BSN: variants seen among roughly 807,000 people sequenced by gnomAD.
BSN encodes protein bassoon.
In BSN, 57 loss-of-function variants were observed where a neutral mutation model predicts 264.8. The observed-to-expected ratio is 0.22, with a 90% CI of 0.17 to 0.27. BSN has a LOEUF of 0.27. Among genes scored for constraint, BSN ranks in the 10% least tolerant of loss-of-function variants. The probability of loss-of-function intolerance (pLI) is 1.00; values close to 1 mark genes in which losing one functional copy is unlikely to be tolerated. For missense variants in BSN, 4,615 were observed against 5,232.5 expected (o/e 0.88, Z 3.64); for synonymous variants, 2,059 against 2,137.3 (o/e 0.96, Z 1.01).
chr3:49,665,725 C>T (rs556399722), intron 11 of BSN, among the ~76,000 whole-genome samples: 3 of 152,376 alleles, frequency 2.0e-5, no homozygotes, highest in Admixed American at 1.3e-4. Flanking sequence ...CACAGAGTCA[C>T]ATCTGCAGCT....
At position 49,663,484 on chromosome 3, in the gene BSN, C is replaced by T. The variant is rs1266666344; in HGVS notation, c.11326C>T (p.Pro3776Ser). ...QIPSGAASRQ[P>S]QTQQQQQGLG... is the part of the protein sequence containing the mutation. ...ACCCTCTGGGGCAGCATCACGCCAG[C>T]CACAGACACAGCAGCAGCAGCAAGG... is the stretch of plus-strand genomic sequence containing the variant. The change falls in exon 7 of 12, where the codon CCA (proline) becomes TCA (serine). Residue 3776 changes from proline (P) to serine (S), a missense_variant. By Grantham distance (74) the Pro-to-Ser change is moderately conservative. Around this residue, in one of 3 missense-constraint regions of BSN, gnomAD observed 3,415 missense variants for 3,866.4 expected, o/e 0.88. Transcript: ENST00000296452. 1.2e-6 allele frequency: 2 copies of T among 1,613,108 alleles called. No homozygotes were observed. The highest frequency in any genetic ancestry group is 1.3e-5 in the African/African-American group (1 of 74,948).
rs1380933934 is a variant in BSN, at chr3:49,617,277, AATACATTATATATATAT to A, written c.225-7694_225-7678del. Among the ~76,000 whole-genome samples the A allele has an allele frequency of 4.1e-3, 587 of 144,128 alleles. 6 individuals are homozygous for A. Among genetic ancestry groups the A allele is most frequent in the African/African-American group, 0.015 (559 of 37,968 alleles). The allele number at this position is 144,128 out of a possible 152,430, so 94.6% of individuals were successfully genotyped here. A position where few individuals can be genotyped will look rare whatever the true frequency, so the allele number is the denominator to read the frequency against. ...GAACTTAAAGTAAAATAAAAAATAA[AATACATTATATATATAT>A]ATATATATATATATATATATATATA... On this transcript the variant is annotated intron_variant, in intron 1 of 11. Transcript: ENST00000296452.
At chr3:49,570,499 A>G (rs1246349022) in intron 1 of BSN, among the ~76,000 whole-genome samples, 1 of 152,322 alleles carries the variant, frequency 6.6e-6, no homozygotes, top group Middle Eastern at 3.4e-3. Context: ...TGAGCCGTGG[A>G]AACAGAGACT....
chr3:49,642,791 T>G lies in BSN; in HGVS notation c.1157T>G (p.Ile386Ser), dbSNP rs1012526021. Reference protein sequence around the residue: ...QPAPSKGTPKIVFNDASKEAG... With the variant: ...QPAPSKGTPKSVFNDASKEAG... Reference sequence around the variant, plus strand: ...GCCCCCAGCAAGGGGACACCTAAGATCGTCTTCAATGATGCCAGCAAGGAG... The same window carrying G: ...GCCCCCAGCAAGGGGACACCTAAGAGCGTCTTCAATGATGCCAGCAAGGAG... Residue 386 changes from isoleucine to serine, a missense_variant, in exon 3 of 12, where the codon ATC (isoleucine) becomes AGC (serine). This residue lies in a region of BSN where 1,197 missense variants were observed against 1,348.0 expected (regional missense o/e 0.89). Transcript: ENST00000296452. This position sits in a 1 kb window ranked among gnomAD's most constrained non-coding sequence, Gnocchi z 7.0. The G allele has an allele frequency of 1.2e-6, 2 of 1,613,134 alleles. No homozygotes were observed. The highest frequency in any genetic ancestry group is 1.7e-6 in the Non-Finnish European group (2 of 1,179,914).
intron 2 of BSN, among the ~76,000 whole-genome samples, chr3:49,631,868 C>T (rs2052386400): frequency 6.6e-6 from 1 of 152,112 alleles, no homozygotes; most frequent in Admixed American, 6.5e-5. Flanking sequence ...CTTCAAATAG[C>T]CAAAATAATT....
At chr3:49,615,242 T>C (rs2052250403) in intron 1 of BSN, among the ~76,000 whole-genome samples, 1 of 151,958 alleles carries the variant, frequency 6.6e-6, no homozygotes, top group African/African-American at 2.4e-5. Context: ...AAAGGATGAG[T>C]GGAGGTGGCA....
intron 2 of BSN, among the ~76,000 whole-genome samples, chr3:49,627,316 C>A (rs1413677058): frequency 6.6e-6 from 1 of 152,128 alleles, no homozygotes; most frequent in East Asian, 1.9e-4. Flanking sequence ...TGACCTGGTC[C>A]CTTCTCCAAG....
At chr3:49,566,772 T>A in intron 1 of BSN, among the ~76,000 whole-genome samples, 1 of 121,410 alleles carries the variant, frequency 8.2e-6, no homozygotes, top group East Asian at 2.3e-4. Context: ...GGTGACAGAG[T>A]AAGACTGTGT....
intron 1 of BSN, among the ~76,000 whole-genome samples, chr3:49,616,558 C>A (rs1404221531): frequency 1.3e-5 from 2 of 152,234 alleles, no homozygotes; most frequent in Non-Finnish European, 2.9e-5. Context: ...GAAAACATTT[C>A]TTTCAAATCC....
In BSN at chr3:49,662,514, G is replaced by C; in HGVS notation, c.10669G>C (p.Glu3557Gln). The C allele has an allele frequency of 1.2e-6, 2 of 1,611,156 alleles. No individual in the cohort carries two copies. Among genetic ancestry groups the C allele is most frequent in the Non-Finnish European group, 1.7e-6 (2 of 1,179,014 alleles). Reference protein sequence around the residue: ...GPRAHAYKREEGYILDDSHCV... With the variant: ...GPRAHAYKREQGYILDDSHCV... ...TCGGGCCCACGCATATAAGCGTGAG[G>C]AGGGCTACATCCTGGATGATTCCCA... The change falls in exon 6 of 12, where the codon GAG (glutamate) becomes CAG (glutamine). Residue 3557 changes from glutamate (E) to glutamine (Q), a missense_variant. Physicochemically the swap from Glu to Gln is conservative, Grantham distance 29. Transcript: ENST00000296452.
In BSN at chr3:49,671,443, CCTT is replaced by C. The variant is rs1374260057; in HGVS notation, c.*3961_*3963del. ...CATGACCTTGTGAATTGTGTGCTGT[CCTT>C]CTGTGCTCTGTGAGAACTCGTGGTA... On this transcript the variant is annotated 3_prime_UTR_variant, in exon 12 of 12. Transcript: ENST00000296452. The surrounding 1 kb of genome is among the most constrained non-coding windows in gnomAD (Gnocchi z 4.1). 5 of 152,548 alleles carry C rather than the reference CCTT, an allele frequency of 3.3e-5. No individual in the cohort carries two copies. Among genetic ancestry groups the C allele is most frequent in the East Asian group, 3.8e-4 (2 of 5,200 alleles). The allele number at this position is 152,548 out of a possible 1,614,324, so 9.4% of individuals were successfully genotyped here.
intron 1 of BSN, among the ~76,000 whole-genome samples, chr3:49,621,742 G>C (rs2108054824): frequency 6.6e-6 from 1 of 152,182 alleles, no homozygotes; most frequent in South Asian, 2.1e-4. Context: ...TTTAGAGACA[G>C]AGTCTTGCTC....
intron 5 of BSN, 103 bp downstream of exon 5, chr3:49,658,299 C>T (rs980520481): frequency 1.8e-5 from 24 of 1,357,220 alleles, no homozygotes; most frequent in Middle Eastern, 4.3e-4. Context: ...AGAGGCATCT[C>T]TGGCCCCAGA....
At position 49,556,364 on chromosome 3, in the gene BSN, G is replaced by A. The variant is rs1047959606; in HGVS notation, c.224+1538G>A. ...CCTGGGCAGCTCAGAGGGACCGGAA[G>A]GAGGCTGATGTCTATTGCTCATATG... On this transcript the variant is annotated intron_variant, in intron 1 of 11. Transcript: ENST00000296452. Among the ~76,000 whole-genome samples the A allele has an allele frequency of 3.8e-4, 58 of 152,238 alleles. 1 individual carries two copies. Among genetic ancestry groups the A allele is most frequent in the Non-Finnish European group, 5.9e-5 (4 of 68,040 alleles).
chr3:49,558,089 A>G (rs935250154), intron 1 of BSN, among the ~76,000 whole-genome samples: 2 of 152,230 alleles, frequency 1.3e-5, no homozygotes, highest in African/African-American at 2.4e-5. Context: ...GCAGCTCAGT[A>G]TCTGAGAAAT....
At chr3:49,634,107 C>G (rs569226915) in intron 2 of BSN, among the ~76,000 whole-genome samples, 1 of 151,968 alleles carries the variant, frequency 6.6e-6, no homozygotes, top group Non-Finnish European at 1.5e-5. Flanking sequence ...ACTTGGGAGG[C>G]TGAGGCAGGG....
chr3:49,672,643 G>C (rs1319058501), downstream of BSN, among the ~76,000 whole-genome samples: 1 of 151,502 alleles, frequency 6.6e-6, no homozygotes, highest in Non-Finnish European at 1.5e-5. Flanking sequence ...ACCCAGCCCG[G>C]CTAATTTTTG....
At chr3:49,608,921 G>T (rs887550557) in intron 1 of BSN, among the ~76,000 whole-genome samples, 7 of 151,912 alleles carry the variant, frequency 4.6e-5, no homozygotes, top group African/African-American at 1.7e-4. Flanking sequence ...GCATGCAGGT[G>T]AGGAGAGAGA....
chr3:49,662,809 G>A lies in BSN; in HGVS notation c.10718-67G>A, dbSNP rs2052672778. 6 of 1,507,538 alleles carry A rather than the reference G, an allele frequency of 4.0e-6. No homozygotes were observed. In the Admixed American group the frequency reaches 1.3e-4, roughly 34 times the overall value. The allele number at this position is 1,507,538 out of a possible 1,614,324, so 93.4% of individuals were successfully genotyped here. A position where few individuals can be genotyped will look rare whatever the true frequency, so the allele number is the denominator to read the frequency against. On this transcript the variant is annotated intron_variant, in intron 6 of 11. Transcript: ENST00000296452. ...CCCACTCTCTTGGTTTCTTTGCATG[G>A]CTTCAGCTAGGCCTCCCCCTGCGGC... is the stretch of plus-strand genomic sequence containing the variant.
Sources: gnomAD v4.1 joint callset for allele counts (sites outside exome capture counted in the v4.1 genomes callset) on GRCh38, gnomAD v4.1.1 for gene constraint, gnomAD v4.1.1 regional missense constraint, Gnocchi (gnomAD v3.1) non-coding constraint, MANE v1.5 for transcripts, NCBI Gene and HGNC (gene_info 2026-07-23, HGNC 2026-07-21) for gene names.